Variants in C3orf49 observed in about 807,000 individuals in gnomAD.
The protein encoded by C3orf49 is chromosome 3 open reading frame 49, also known as putative uncharacterized protein C3orf49.
In C3orf49, 27 loss-of-function variants were observed where a neutral mutation model predicts 13.3. That is an observed-to-expected ratio of 2.02 (90% CI 1.49 to 2.79). C3orf49 has a LOEUF of 2.79. C3orf49 is among the 30% of genes most tolerant of loss of function. The pLI is 0.00. For synonymous variants in C3orf49, 87 were observed against 47.6 expected (o/e 1.83, Z -3.40); for missense variants, 242 against 134.2 (o/e 1.80, Z -3.97).
At chr3:63,797,967 T>A in the C3orf49 span, among the ~76,000 whole-genome samples, 1 of 152,204 alleles carries the variant, frequency 6.6e-6, no homozygotes, top group Non-Finnish European at 1.5e-5. Flanking sequence ...ATCTTTCTAA[T>A]AACCCCAGAG....
chr3:63,811,010 G>A, the C3orf49 span, among the ~76,000 whole-genome samples: 60 of 152,010 alleles, frequency 3.9e-4, no homozygotes, highest in Admixed American at 3.9e-3. Flanking sequence ...CACCACACCT[G>A]AGTAATTTTG....
the C3orf49 span, among the ~76,000 whole-genome samples, chr3:63,781,305 T>C: frequency 6.6e-6 from 1 of 151,674 alleles, no homozygotes; most frequent in Non-Finnish European, 1.5e-5. Flanking sequence ...GTTGTAGATA[T>C]GCGGCATTAT....
chr3:63,803,871 A>G, the C3orf49 span, among the ~76,000 whole-genome samples: 1 of 152,030 alleles, frequency 6.6e-6, no homozygotes, highest in Non-Finnish European at 1.5e-5. Context: ...ATATAATACA[A>G]TTATTATACA....
chr3:63,821,493 T>A (rs140389152), intron 1 of C3orf49, among the ~76,000 whole-genome samples: 1 of 152,146 alleles, frequency 6.6e-6, no homozygotes, highest in African/African-American at 2.4e-5. Flanking sequence ...ACAAAACCTA[T>A]AGATAAATGT....
At chr3:63,832,337 C>A (rs1701545829) in intron 5 of C3orf49, among the ~76,000 whole-genome samples, 1 of 152,050 alleles carries the variant, frequency 6.6e-6, no homozygotes. Flanking sequence ...CCCAATAGTC[C>A]TTTAAAAAAT....
intron 6 of C3orf49, among the ~76,000 whole-genome samples, chr3:63,848,040 T>C (rs530718297): frequency 6.6e-6 from 1 of 152,312 alleles, no homozygotes; most frequent in Non-Finnish European, 1.5e-5. Flanking sequence ...AAACAGACTC[T>C]TTGTACCAAT....
chr3:63,828,552 G>T (rs1701494700), intron 3 of C3orf49, among the ~76,000 whole-genome samples: 1 of 152,058 alleles, frequency 6.6e-6, no homozygotes, highest in African/African-American at 2.4e-5. Context: ...CACCTGCCTT[G>T]GTCTCCCAAA....
the C3orf49 span, chr3:63,779,817 C>T: frequency 2.6e-5 from 4 of 152,150 alleles, no homozygotes; most frequent in Admixed American, 2.6e-4. Context: ...AAGAACTTTT[C>T]TCAACCTACC....
chr3:63,837,398 A>G (rs1223759973), intron 5 of C3orf49, among the ~76,000 whole-genome samples: 2 of 152,008 alleles, frequency 1.3e-5, no homozygotes, highest in Non-Finnish European at 2.9e-5. Flanking sequence ...TCTAACATTA[A>G]AAATTATCTT....
chr3:63,793,115 G>A, the C3orf49 span, among the ~76,000 whole-genome samples: 1 of 152,074 alleles, frequency 6.6e-6, no homozygotes, highest in African/African-American at 2.4e-5. Flanking sequence ...ACCCCAAAGA[G>A]CTCTTTCTGT....
chr3:63,827,449 G>C (rs2107102696), intron 2 of C3orf49, 152 bp from the exon 3 acceptor site: 1 of 558,760 alleles, frequency 1.8e-6, no homozygotes, highest in South Asian at 2.5e-5. Context: ...AGATTGGGAA[G>C]AGCAAATCAA....
At position 63,831,059 on chromosome 3, in the gene C3orf49, T is replaced by C. The variant is rs1008875035; in HGVS notation, c.571-51T>C. The stretch of plus-strand genomic sequence containing the variant: ...GAACTCTTGTTTAAGCACCATCACA[T>C]AAATAATGTTGGTAGTTCCTAATCT... On this transcript the variant is annotated intron_variant, in intron 3 of 6. Coordinates refer to ENST00000295896, the MANE Select transcript of C3orf49 (RefSeq NM_001355236.2). 4 of 679,238 alleles carry C rather than the reference T, an allele frequency of 5.9e-6. No individual in the cohort carries two copies. The African/African-American group carries it at 7.2e-5, about 12-fold the overall frequency. 42.1% of individuals were successfully genotyped at this position (679,238 alleles called of 1,614,324 possible).
chr3:63,838,262 A>G, intron 5 of C3orf49: 1 of 943,260 alleles, frequency 1.1e-6, no homozygotes, highest in Admixed American at 3.1e-5. Context: ...CTTTCCATTA[A>G]TACAGTAATT....
chr3:63,841,166 A>T (rs530920580), intron 5 of C3orf49, among the ~76,000 whole-genome samples: 1 of 152,302 alleles, frequency 6.6e-6, no homozygotes, highest in Admixed American at 6.5e-5. Flanking sequence ...AGGTGTAGAA[A>T]AGCATATACA....
chr3:63,790,296 G>A, the C3orf49 span, among the ~76,000 whole-genome samples: 1 of 152,178 alleles, frequency 6.6e-6, no homozygotes, highest in African/African-American at 2.4e-5. Context: ...ACAAATATTT[G>A]TAATATATGC....
chr3:63,842,988 A>G (rs1559604708), intron 5 of C3orf49, among the ~76,000 whole-genome samples: 1 of 151,674 alleles, frequency 6.6e-6, no homozygotes, highest in Non-Finnish European at 1.5e-5. Context: ...GAGTTTCACC[A>G]TGCTGCCCAG....
intron 5 of C3orf49, among the ~76,000 whole-genome samples, chr3:63,836,529 G>T (rs972973568): frequency 2.6e-5 from 4 of 151,822 alleles, no homozygotes; most frequent in African/African-American, 9.7e-5. Flanking sequence ...TAATTATAAC[G>T]ATACATAACA....
the C3orf49 span, among the ~76,000 whole-genome samples, chr3:63,806,137 A>G: frequency 6.6e-6 from 1 of 152,196 alleles, no homozygotes; most frequent in African/African-American, 2.4e-5. Flanking sequence ...AGCAATGGCC[A>G]AGAGGGATAT....
chr3:63,846,394 T>C (rs1349736808), intron 6 of C3orf49, among the ~76,000 whole-genome samples: 2 of 152,084 alleles, frequency 1.3e-5, no homozygotes, highest in Non-Finnish European at 2.9e-5. Flanking sequence ...GTCTTACTAG[T>C]AACTTATTAT....
Sources: gnomAD v4.1 joint callset for allele counts (sites outside exome capture counted in the v4.1 genomes callset) on GRCh38, gnomAD v4.1.1 for gene constraint, MANE v1.5 for transcripts, NCBI Gene and HGNC (gene_info 2026-07-23, HGNC 2026-07-21) for gene names.